EXO1: variants seen among roughly 807,000 people sequenced by gnomAD.
EXO1 encodes exonuclease 1.
A neutral mutation model predicts 84.5 loss-of-function variants in EXO1; 69 were observed. That is an observed-to-expected ratio of 0.82 (90% CI 0.67 to 1.00). The LOEUF (loss-of-function observed/expected upper bound fraction) is 1.00. Ranked by LOEUF, EXO1 falls within the 50% of genes least tolerant of loss-of-function variation. The pLI is 0.00. For missense variants in EXO1, 1,045 were observed against 1,000.7 expected (o/e 1.04, Z -0.60); for synonymous variants, 373 against 366.1 (o/e 1.02, Z -0.21).
In EXO1 at chr1:241,867,056, G is replaced by A; in HGVS notation, c.1267+1G>A. 1 of 1,608,978 alleles carries A rather than the reference G, an allele frequency of 6.2e-7. No homozygotes were observed. Among genetic ancestry groups the A allele is most frequent in the Non-Finnish European group, 8.5e-7 (1 of 1,175,480 alleles). ...TCCATTGTGAAAAGACCAAGAAGTG[G>A]TACGTATTTCAGTTTTGCAAAATGC... On this transcript the variant is annotated splice_donor_variant, in intron 11 of 15. Transcript: ENST00000366548. LOFTEE classifies it high-confidence loss of function.
At chr1:241,874,396 A>G (rs1004764614) in intron 12 of EXO1, among the ~76,000 whole-genome samples, 4 of 152,192 alleles carry the variant, frequency 2.6e-5, no homozygotes, top group African/African-American at 7.2e-5. Flanking sequence ...CTCCGCCTCC[A>G]GGAAAAATAG....
At position 241,881,813 on chromosome 1, in the gene EXO1, A is replaced by G. The variant is rs1272024908; in HGVS notation, c.2110-103A>G. ...CATTTTCTTTTATTAATTCTATCCC[A>G]TGTTCTTATTTATCTTCCATTTTGT... On this transcript the variant is annotated intron_variant, in intron 13 of 15. Coordinates refer to ENST00000366548, the MANE Select transcript of EXO1 (RefSeq NM_130398.4). 8 of 639,134 alleles carry G rather than the reference A, an allele frequency of 1.3e-5. 1 individual carries two copies. Among genetic ancestry groups the G allele is most frequent in the South Asian group, 1.2e-4 (6 of 51,234 alleles). The allele number at this position is 639,134 out of a possible 1,614,324, so 39.6% of individuals were successfully genotyped here.
intron 15 of EXO1, among the ~76,000 whole-genome samples, chr1:241,889,087 AT>A (rs1213877595): frequency 5.3e-5 from 8 of 152,046 alleles, no homozygotes; most frequent in African/African-American, 1.7e-4. Flanking sequence ...AAAAAAAATA[AT>A]AATAAGATTT....
At chr1:241,887,964 G>C (rs1458142277) in intron 15 of EXO1, among the ~76,000 whole-genome samples, 2 of 152,060 alleles carry the variant, frequency 1.3e-5, no homozygotes, top group African/African-American at 4.8e-5. Context: ...TTTTAGAGAA[G>C]TCCTGAATGA....
In EXO1 at chr1:241,878,866, C is replaced by G; in HGVS notation, c.1632C>G (p.Asp544Glu). 6.2e-7 allele frequency: 1 copy of G among 1,613,898 alleles called. No individual in the cohort carries two copies. The highest frequency in any genetic ancestry group is 1.7e-5 in the Admixed American group (1 of 60,004). The change falls in exon 13 of 16, where the codon GAC becomes GAG. Residue 544 changes from aspartate (D) to glutamate (E), a missense_variant. Coordinates refer to ENST00000366548, the MANE Select transcript of EXO1 (RefSeq NM_130398.4). ...ENNLHESEYG[D>E]QEGKRLVDTD... ...ATCTGCATGAATCAGAGTATGGAGA[C>G]CAAGAAGGCAAGAGACTGGTTGACA...
At chr1:241,852,654 A>G (rs1469826693) in intron 5 of EXO1, among the ~76,000 whole-genome samples, 1 of 152,142 alleles carries the variant, frequency 6.6e-6, no homozygotes, top group Non-Finnish European at 1.5e-5. Flanking sequence ...AGACCCCGTC[A>G]CTAACAATTT....
intron 12 of EXO1, among the ~76,000 whole-genome samples, chr1:241,875,712 A>ACTAAAAAT (rs1283967082): frequency 2.0e-5 from 3 of 152,112 alleles, no homozygotes; most frequent in African/African-American, 7.2e-5. Context: ...CCCCATCTCT[A>ACTAAAAAT]CTAAAAGTAC....
rs546067964 is a variant in EXO1, at chr1:241,878,270, G to A, written c.1515-479G>A. ...TCCCAACACTTTGTGAGGCCAAGGC[G>A]GGCGGATCACCTGAGATCAGGAGTT... On this transcript the variant is annotated intron_variant, in intron 12 of 15. Coordinates refer to ENST00000366548, the MANE Select transcript of EXO1 (RefSeq NM_130398.4). Among the ~76,000 whole-genome samples, 14 of 152,300 alleles carry A rather than the reference G, an allele frequency of 9.2e-5. No homozygotes were observed. The East Asian group carries it at 1.2e-3, about 13-fold the overall frequency.
At chr1:241,869,706 G>A (rs2298935) in intron 11 of EXO1, among the ~76,000 whole-genome samples, 11,695 of 151,350 alleles carry the variant, frequency 0.077, 723 homozygotes, top group Admixed American at 0.19. Flanking sequence ...TATATAAGAA[G>A]TACAGTGTAC....
At chr1:241,858,749 A>T (rs1206034363) in intron 8 of EXO1, 31 bp downstream of exon 8, 1 of 1,345,776 alleles carries the variant, frequency 7.4e-7, no homozygotes, top group Admixed American at 1.7e-5. Context: ...GTCATATTCA[A>T]TTTCTGAAGC....
In EXO1 at chr1:241,860,634, A is replaced by G. The variant is rs1161105969; in HGVS notation, c.874A>G (p.Lys292Glu). The G allele has an allele frequency of 2.5e-6, 4 of 1,614,090 alleles. No homozygotes were observed. The Admixed American group carries it at 6.7e-5, about 27-fold the overall frequency. ...FLYQLVFDPI[K>E]RKLIPLNAYE... ...CTATCAGCTAGTTTTTGATCCCATCAAAAGGAAACTTATTCCTCTGAACGC... is the reference window on the plus strand; with the variant it reads ...CTATCAGCTAGTTTTTGATCCCATCGAAAGGAAACTTATTCCTCTGAACGC... The change falls in exon 9 of 16, where the codon AAA (lysine) becomes GAA (glutamate). Residue 292 changes from lysine (K) to glutamate (E), a missense_variant. By Grantham distance (56) the Lys-to-Glu change is moderately conservative. Transcript: ENST00000366548.
chr1:241,855,940 A>AAGTGCCG (rs1661002969), intron 6 of EXO1, among the ~76,000 whole-genome samples: 1 of 151,860 alleles, frequency 6.6e-6, no homozygotes, highest in Non-Finnish European at 1.5e-5. Context: ...GCGCAGCCCC[A>AAGTGCCG]GTTCTCGCTG....
rs779456439 is a variant in EXO1 at position 241,852,345 on chromosome 1, A to C, written c.215A>C (p.Lys72Thr). The change falls in exon 5 of 16, where the codon AAG (lysine) becomes ACG (threonine). Residue 72 changes from lysine to threonine, a missense_variant. Coordinates refer to ENST00000366548, the MANE Select transcript of EXO1 (RefSeq NM_130398.4). ...FVNMLLSHGI[K>T]PILVFDGCTL... ...AATATGTTACTATCTCATGGGATCAAGCCTATTCTCGTATTTGATGGATGT... is the reference window on the plus strand; with the variant it reads ...AATATGTTACTATCTCATGGGATCACGCCTATTCTCGTATTTGATGGATGT... 6.3e-7 allele frequency: 1 copy of C among 1,591,042 alleles called. No homozygotes were observed. The highest frequency in any genetic ancestry group is 1.7e-5 in the Admixed American group (1 of 60,000).
chr1:241,885,852 TTTTTTGTTTTTTG>T (rs1484788475), intron 15 of EXO1, among the ~76,000 whole-genome samples: 28 of 95,986 alleles, frequency 2.9e-4, no homozygotes, highest in African/African-American at 9.3e-4. Context: ...TTGTTTTTTG[TTTTTTGTTTTTTG>T]TTTTTTTGAG....
At chr1:241,869,875 G>A (rs918385951) in intron 11 of EXO1, among the ~76,000 whole-genome samples, 1 of 150,744 alleles carries the variant, frequency 6.6e-6, no homozygotes, top group Non-Finnish European at 1.5e-5. Context: ...GGGCAGTGGC[G>A]TGTTCTTGGC....
intron 15 of EXO1, among the ~76,000 whole-genome samples, chr1:241,887,380 G>A (rs1663125443): frequency 6.6e-6 from 1 of 152,234 alleles, no homozygotes; most frequent in Non-Finnish European, 1.5e-5. Flanking sequence ...TCTTTTACAT[G>A]TAACATCATG....
intron 6 of EXO1, among the ~76,000 whole-genome samples, chr1:241,853,737 G>C (rs1020342617): frequency 2.0e-5 from 3 of 152,050 alleles, no homozygotes; most frequent in African/African-American, 4.8e-5. Flanking sequence ...ACAGGGCCAG[G>C]CACGGTGGCT....
At chr1:241,863,259 A>C (rs1222256333) in intron 10 of EXO1, among the ~76,000 whole-genome samples, 1 of 152,186 alleles carries the variant, frequency 6.6e-6, no homozygotes, top group African/African-American at 2.4e-5. Flanking sequence ...ATTAGAGGAC[A>C]CTTAAGTAAC....
rs142940117 is a variant in EXO1, at chr1:241,861,732, T to A, written c.1041+230T>A. On this transcript the variant is annotated intron_variant, in intron 10 of 15. Transcript: ENST00000366548. ...GTGACTGTTATTTATTATCAAACCC[T>A]TATCCTTGAGCATTTCATTTGAATA... Among the ~76,000 whole-genome samples, 130 of 152,334 alleles carry A rather than the reference T, an allele frequency of 8.5e-4. 2 individuals carry two copies. The highest frequency in any genetic ancestry group is 2.5e-3 in the African/African-American group (104 of 41,578).
Sources: gnomAD v4.1 joint callset for allele counts (sites outside exome capture counted in the v4.1 genomes callset) on GRCh38, gnomAD v4.1.1 for gene constraint, MANE v1.5 for transcripts, NCBI Gene and HGNC (gene_info 2026-07-23, HGNC 2026-07-21) for gene names.